Variants in MYO7A observed in about 807,000 individuals in gnomAD.
The protein encoded by MYO7A is unconventional myosin-VIIa.
In MYO7A, 210 loss-of-function variants were observed where a neutral mutation model predicts 263.8. The ratio of observed to expected loss-of-function variants is 0.80; its 90% CI spans 0.71 to 0.89. The LOEUF is 0.89. MYO7A is among the 40% of genes least tolerant of loss of function. The probability of loss-of-function intolerance (pLI) is 0.00; values close to 1 mark genes in which losing one functional copy is unlikely to be tolerated. For missense variants in MYO7A, 2,820 were observed against 2,968.3 expected, an observed-to-expected ratio of 0.95 and a Z score of 1.16; for synonymous variants, 1,239 against 1,197.3, an observed-to-expected ratio of 1.03 and a Z score of -0.72.
At chr11:77,202,814 G>A (rs1253714442) in intron 37 of MYO7A, among the ~76,000 whole-genome samples, 1 of 151,970 alleles carries the variant, frequency 6.6e-6, no homozygotes, top group African/African-American at 2.4e-5. Context: ...GCGCAGGGTG[G>A]TGGGGGAGGC....
intron 4 of MYO7A, among the ~76,000 whole-genome samples, chr11:77,153,139 G>A (rs1295878860): frequency 3.3e-5 from 5 of 152,100 alleles, no homozygotes; most frequent in African/African-American, 1.2e-4. Context: ...GATTGTTGGG[G>A]GGTTGAGTAT....
chr11:77,209,327 G>A (rs1474518117), intron 44 of MYO7A: 1 of 154,548 alleles, frequency 6.5e-6, no homozygotes, highest in Non-Finnish European at 1.4e-5. Context: ...GATGGAACTG[G>A]GGTTTGATTC....
rs769297324 is a variant in MYO7A, at chr11:77,190,148, GTGTGTATGCACGTGCTCGTGTGCA to G, written c.3750+15_3750+38del. The G allele has an allele frequency of 1.7e-4, 264 of 1,553,610 alleles. 1 individual carries two copies. The highest frequency in any genetic ancestry group is 1.4e-3 in the South Asian group (120 of 83,632). ...GCTGGCTGGAGCTGCAGGTTCGTGCGTGTGTATGCACGTGCTCGTGTGCATGTGTGCGCACGTGTGTAAATGCGT... is the reference window on the plus strand; with the variant it reads ...GCTGGCTGGAGCTGCAGGTTCGTGCGTGTGTGCGCACGTGTGTAAATGCGT... On this transcript the variant is annotated intron_variant, in intron 29 of 48. Coordinates refer to ENST00000409709, the MANE Select transcript of MYO7A (RefSeq NM_000260.4).
intron 29 of MYO7A, 105 bp from the exon 30 acceptor site, chr11:77,190,592 G>GCAC: frequency 4.4e-5 from 58 of 1,307,870 alleles, no homozygotes; most frequent in Non-Finnish European, 5.5e-5. Flanking sequence ...GGGGCCTGGG[G>GCAC]TGCTGGGGCA....
intron 29 of MYO7A, 64 bp downstream of exon 29, chr11:77,190,203 T>G (rs1955951651): frequency 7.0e-7 from 1 of 1,430,252 alleles, no homozygotes. Context: ...TGCGTGTGTG[T>G]GTGTGTCCAG....
Position 77,184,663 on chromosome 11 carries a change from C to G in MYO7A, c.3451C>G (p.Leu1151Val), listed in dbSNP as rs782465732. Residue 1151 changes from leucine (L) to valine (V), a missense_variant, in exon 27 of 49, where the codon CTG becomes GTG. Leu to Val is a conservative substitution (Grantham distance 32). Coordinates refer to ENST00000409709, the MANE Select transcript of MYO7A (RefSeq NM_000260.4). Reference sequence around the variant, plus strand: ...GCTGGAGGACCGGCCCACCTCCAACCTGGAGAAGCTGCACTTCATCATCGG... The same window carrying G: ...GCTGGAGGACCGGCCCACCTCCAACGTGGAGAAGCTGCACTTCATCATCGG... ...SMLEDRPTSN[L>V]EKLHFIIGNG... The G allele has an allele frequency of 1.1e-5, 17 of 1,594,770 alleles. No homozygotes were observed. The highest frequency in any genetic ancestry group is 1.5e-5 in the Non-Finnish European group (17 of 1,170,390).
At chr11:77,144,498 G>C (rs537323502) in intron 3 of MYO7A, among the ~76,000 whole-genome samples, 1 of 152,282 alleles carries the variant, frequency 6.6e-6, no homozygotes, top group African/African-American at 2.4e-5. Context: ...GGAGGGGTGG[G>C]CATGACTGGC....
At chr11:77,185,511 T>C (rs1955587472) in intron 27 of MYO7A, among the ~76,000 whole-genome samples, 1 of 152,244 alleles carries the variant, frequency 6.6e-6, no homozygotes, top group African/African-American at 2.4e-5. Context: ...AATTTGATCA[T>C]GACATTGCAG....
rs782816445 is a variant in MYO7A, at chr11:77,184,668, G to A, written c.3456G>A (p.Glu1152=). 5.2e-5 allele frequency: 83 copies of A among 1,596,556 alleles called. No individual in the cohort carries two copies. The highest frequency in any genetic ancestry group is 7.0e-5 in the Non-Finnish European group (82 of 1,171,390). Residue 1152 remains glutamate, a synonymous_variant, in exon 27 of 49, where the codon GAG becomes GAA. Coordinates refer to ENST00000409709, the MANE Select transcript of MYO7A (RefSeq NM_000260.4). Reference sequence around the variant, plus strand: ...AGGACCGGCCCACCTCCAACCTGGAGAAGCTGCACTTCATCATCGGCAATG... The same window carrying A: ...AGGACCGGCCCACCTCCAACCTGGAAAAGCTGCACTTCATCATCGGCAATG... ...MLEDRPTSNL[E]KLHFIIGNGI...
At position 77,211,241 on chromosome 11, in the gene MYO7A, G is replaced by A. The variant is rs1203563578; in HGVS notation, c.6141G>A (p.Glu2047=). 1.3e-6 allele frequency: 2 copies of A among 1,585,916 alleles called. No individual in the cohort carries two copies. The highest frequency in any genetic ancestry group is 1.7e-6 in the Non-Finnish European group (2 of 1,166,416). ...CGCTGATCTACAGGGTCAAGTTCGA[G>A]GAGGACAAGTCCTACTTCCCCAGCA... ...LGALIYRVKF[E]EDKSYFPSIP... is the part of the protein sequence containing the mutation. The change falls in exon 45 of 49, where the codon GAG becomes GAA. Residue 2047 remains glutamate (E), a synonymous_variant. Transcript: ENST00000409709.
intron 3 of MYO7A, among the ~76,000 whole-genome samples, chr11:77,145,352 C>T (rs1555053104): frequency 6.6e-6 from 1 of 152,208 alleles, no homozygotes; most frequent in East Asian, 1.9e-4. Context: ...GATTCTTACT[C>T]TCATTCCCAT....
At chr11:77,191,918 C>T in intron 30 of MYO7A, 133 bp from the exon 31 acceptor site, 1 of 723,904 alleles carries the variant, frequency 1.4e-6, no homozygotes. Context: ...GGTCTGCCTC[C>T]TGGGGGCCTT....
At position 77,160,973 on chromosome 11, in the gene MYO7A, G is replaced by A; in HGVS notation, c.1201G>A (p.Gly401Arg). ...ALDVRDAFVKGIYGRLFVWIV... is the reference protein window; with the variant it reads ...ALDVRDAFVKRIYGRLFVWIV... Reference sequence around the variant, plus strand: ...CCAGTGGCTGATCACTGCCTTTCAGGGGATCTACGGGCGGCTGTTCGTGTG... The same window carrying A: ...CCAGTGGCTGATCACTGCCTTTCAGAGGATCTACGGGCGGCTGTTCGTGTG... Residue 401 changes from glycine to arginine, a missense_variant and splice_region_variant, in exon 12 of 49, where the codon GGG (glycine) becomes AGG (arginine). Coordinates refer to ENST00000409709, the MANE Select transcript of MYO7A (RefSeq NM_000260.4). The A allele has an allele frequency of 6.3e-7, 1 of 1,598,642 alleles. No homozygotes were observed. The highest frequency in any genetic ancestry group is 8.5e-7 in the Non-Finnish European group (1 of 1,173,310).
In MYO7A at chr11:77,182,102, G is replaced by A. The variant is rs782204607; in HGVS notation, c.3056G>A (p.Arg1019Gln). 1.3e-5 allele frequency: 21 copies of A among 1,613,344 alleles called. No homozygotes were observed. The highest frequency in any genetic ancestry group is 2.7e-5 in the African/African-American group (2 of 75,016). Residue 1019 changes from arginine to glutamine, a missense_variant, in exon 24 of 49, where the codon CGG becomes CAG. Transcript: ENST00000409709. ...GGGACAACCACGCACTCCTACACCC[G>A]GCGGCCACTCAAACAGCCACTGCTC... is the stretch of plus-strand genomic sequence containing the variant. ...FQGTTTHSYT[R>Q]RPLKQPLLYH...
At chr11:77,214,548 T>G (rs1958040636) in intron 48 of MYO7A, 59 bp from the exon 49 acceptor site, 3 of 1,267,994 alleles carry the variant, frequency 2.4e-6, no homozygotes, top group Non-Finnish European at 3.4e-6. Context: ...TGTGCTATGG[T>G]CTGAGTGGCT....
rs1379900182 is a variant in MYO7A, at chr11:77,182,965, C to T, written c.3286-103C>T. Reference sequence around the variant, plus strand: ...GGCAGTGTGGGGGACACCCTGTAAGCTTCACGTGGAAGCGAGACGGTTCCC... The same window carrying T: ...GGCAGTGTGGGGGACACCCTGTAAGTTTCACGTGGAAGCGAGACGGTTCCC... On this transcript the variant is annotated intron_variant, in intron 25 of 48. Coordinates refer to ENST00000409709, the MANE Select transcript of MYO7A (RefSeq NM_000260.4). 4.0e-6 allele frequency: 4 copies of T among 1,011,510 alleles called. No individual in the cohort carries two copies. The African/African-American group carries it at 6.4e-5, about 16-fold the overall frequency. The allele number at this position is 1,011,510 out of a possible 1,614,324, so 62.7% of individuals were successfully genotyped here.
chr11:77,211,811 G>A lies in MYO7A; in HGVS notation c.6238-10G>A, dbSNP rs372074621. The A allele has an allele frequency of 8.1e-6, 13 of 1,611,500 alleles. No individual in the cohort carries two copies. Among genetic ancestry groups the A allele is most frequent in the Non-Finnish European group, 1.1e-5 (13 of 1,177,894 alleles). On this transcript the variant is annotated splice_polypyrimidine_tract_variant and intron_variant, in intron 45 of 48. Transcript: ENST00000409709. ...GACTGAGCCCAGCCCTGACCGCCCT[G>A]TCCCCATAGTCCATCGTCGCCTACT...
In MYO7A at chr11:77,207,393, T is replaced by C; in HGVS notation, c.5847T>C (p.Ile1949=). ...SSEGFSLFVK[I]ADKVLSVPEN... is the part of the protein sequence containing the mutation. ...AGGGATTCAGCCTCTTTGTCAAAATTGCAGACAAGGTGGGTCCTTTGCCAC... is the reference window on the plus strand; with the variant it reads ...AGGGATTCAGCCTCTTTGTCAAAATCGCAGACAAGGTGGGTCCTTTGCCAC... Residue 1949 remains isoleucine, a synonymous_variant, in exon 42 of 49, where the codon ATT becomes ATC. Transcript: ENST00000409709. 1 of 1,606,448 alleles carries C rather than the reference T, an allele frequency of 6.2e-7. No homozygotes were observed. The highest frequency in any genetic ancestry group is 8.5e-7 in the Non-Finnish European group (1 of 1,176,204).
intron 20 of MYO7A, 87 bp downstream of exon 20, chr11:77,179,216 G>A (rs1239605438): frequency 3.2e-6 from 4 of 1,240,652 alleles, no homozygotes; most frequent in Non-Finnish European, 4.6e-6. Flanking sequence ...CTGCACCCAG[G>A]CAGCACAGCC....
Sources: gnomAD v4.1 joint callset for allele counts (sites outside exome capture counted in the v4.1 genomes callset) on GRCh38, gnomAD v4.1.1 for gene constraint, MANE v1.5 for transcripts, NCBI Gene and HGNC (gene_info 2026-07-23, HGNC 2026-07-21) for gene names.